Variants in STXBP5 observed in about 807,000 individuals in gnomAD.
STXBP5 encodes syntaxin-binding protein 5.
STXBP5 carries 50 observed loss-of-function variants against 152.4 expected under a neutral mutation model. The ratio of observed to expected loss-of-function variants is 0.33; its 90% confidence interval spans 0.26 to 0.42. STXBP5 has a LOEUF of 0.42. Ranked by LOEUF, STXBP5 falls within the 10% of genes least tolerant of loss-of-function variation. The pLI is 1.00. For missense variants in STXBP5, 1,167 were observed against 1,388.6 expected, an observed-to-expected ratio of 0.84 and a Z score of 2.54; for synonymous variants, 492 against 494.7, an observed-to-expected ratio of 0.99 and a Z score of 0.07.
chr6:147,303,888 G>C (rs1356603208), intron 9 of STXBP5, among the ~76,000 whole-genome samples: 1 of 152,152 alleles, frequency 6.6e-6, no homozygotes, highest in Non-Finnish European at 1.5e-5. Flanking sequence ...CCCTGTCCTA[G>C]AGATCTGTGG....
intron 9 of STXBP5, among the ~76,000 whole-genome samples, chr6:147,296,833 A>G (rs1010415720): frequency 3.9e-5 from 6 of 152,182 alleles, no homozygotes; most frequent in African/African-American, 1.4e-4. Context: ...AATACAATTG[A>G]GAGTTTCAGC....
rs1026013561 is a variant in STXBP5 at position 147,387,725 on chromosome 6, A to G, written c.*2970A>G. 14 of 151,838 alleles carry G rather than the reference A, an allele frequency of 9.2e-5. No individual in the cohort carries two copies. Among genetic ancestry groups the G allele is most frequent in the African/African-American group, 2.7e-4 (11 of 41,504 alleles). The allele number at this position is 151,838 out of a possible 1,614,324, so 9.4% of individuals were successfully genotyped here. ...ATGTGAAAAATGCTGCTACTTGTCTATGTTATTATGTGTAAGTATATTACA... is the reference window on the plus strand; with the variant it reads ...ATGTGAAAAATGCTGCTACTTGTCTGTGTTATTATGTGTAAGTATATTACA... On this transcript the variant is annotated 3_prime_UTR_variant, in exon 28 of 28. Coordinates refer to ENST00000321680, the MANE Select transcript of STXBP5 (RefSeq NM_001127715.4).
chr6:147,257,590 AT>A (rs1381269145), intron 4 of STXBP5, among the ~76,000 whole-genome samples: 3 of 152,164 alleles, frequency 2.0e-5, no homozygotes, highest in African/African-American at 4.8e-5. Flanking sequence ...AAATTAAAAA[AT>A]AATCTTTAAG....
intron 16 of STXBP5, among the ~76,000 whole-genome samples, chr6:147,323,998 C>T (rs1280862283): frequency 1.3e-5 from 2 of 152,140 alleles, no homozygotes; most frequent in African/African-American, 2.4e-5. Context: ...ACACTTAACA[C>T]TTATCAATCC....
intron 4 of STXBP5, among the ~76,000 whole-genome samples, chr6:147,253,554 C>T (rs1039360606): frequency 6.6e-6 from 1 of 152,262 alleles, no homozygotes; most frequent in East Asian, 1.9e-4. Flanking sequence ...TAGAAAACCC[C>T]ATCGTCTCAG....
At chr6:147,266,282 A>G (rs187808604) in intron 6 of STXBP5, among the ~76,000 whole-genome samples, 1 of 152,234 alleles carries the variant, frequency 6.6e-6, no homozygotes, top group Admixed American at 6.5e-5. Context: ...AGTTTTAAAC[A>G]GAAGCATACA....
intron 8 of STXBP5, among the ~76,000 whole-genome samples, chr6:147,281,358 A>G (rs577171380): frequency 5.9e-5 from 9 of 152,224 alleles, no homozygotes; most frequent in African/African-American, 2.2e-4. Flanking sequence ...ATGCCTGGCC[A>G]GCTGAGTACA....
chr6:147,210,390 GT>G (rs768842450), intron 2 of STXBP5, among the ~76,000 whole-genome samples: 4 of 151,998 alleles, frequency 2.6e-5, no homozygotes, highest in Non-Finnish European at 5.9e-5. Flanking sequence ...TCACTGTTTT[GT>G]TTTGGTTTTT....
intron 4 of STXBP5, among the ~76,000 whole-genome samples, chr6:147,256,212 A>G (rs916191889): frequency 1.8e-4 from 27 of 152,328 alleles, no homozygotes; most frequent in African/African-American, 4.1e-4. Context: ...CTGCTGCTCC[A>G]TAAGTGTCTT....
Position 147,382,789 on chromosome 6 carries a change from T to G in STXBP5, c.3205T>G (p.Ser1069Ala). ...LDREELFGES[S>A]SGKASRSLAQ... ...TCAAATGTGTTCAGTTGGAGAATCG[T>G]CCTCAGGAAAGGCTTCAAGGAGCCT... Residue 1069 changes from serine (S) to alanine (A), a missense_variant, in exon 27 of 28, where the codon TCC becomes GCC. Physicochemically the swap from Ser to Ala is moderately conservative, Grantham distance 99. Transcript: ENST00000321680. The G allele has an allele frequency of 6.2e-7, 1 of 1,613,292 alleles. No homozygotes were observed. The highest frequency in any genetic ancestry group is 8.5e-7 in the Non-Finnish European group (1 of 1,179,432).
chr6:147,312,461 C>A (rs1214905628), intron 11 of STXBP5, among the ~76,000 whole-genome samples: 2 of 152,196 alleles, frequency 1.3e-5, no homozygotes, highest in East Asian at 3.9e-4. Context: ...TTTTTGCATT[C>A]CCTGCCCCCA....
chr6:147,331,822 A>AC (rs1339664277), intron 18 of STXBP5, among the ~76,000 whole-genome samples: 1 of 151,550 alleles, frequency 6.6e-6, no homozygotes, highest in Non-Finnish European at 1.5e-5. Context: ...AAAAAAAAAA[A>AC]AAAAACACAC....
chr6:147,384,143 T>C (rs1786228744), intron 27 of STXBP5, among the ~76,000 whole-genome samples: 1 of 152,144 alleles, frequency 6.6e-6, no homozygotes. Flanking sequence ...AGACAGTACA[T>C]TGAGGTAGTT....
At position 147,220,853 on chromosome 6, in the gene STXBP5, T is replaced by C. The variant is rs185738307; in HGVS notation, c.249-14397T>C. On this transcript the variant is annotated intron_variant, in intron 2 of 27. Transcript: ENST00000321680. ...TCTTTTAATTGGTGCATTTAGGCCA[T>C]TGAAGTTTAAAGTGAATGTTGATAT... Among the ~76,000 whole-genome samples the C allele has an allele frequency of 2.6e-5, 4 of 152,276 alleles. No homozygotes were observed. The East Asian group carries it at 5.8e-4, about 22-fold the overall frequency.
intron 4 of STXBP5, among the ~76,000 whole-genome samples, chr6:147,250,464 A>G (rs1301223107): frequency 6.6e-6 from 1 of 152,226 alleles, no homozygotes; most frequent in African/African-American, 2.4e-5. Context: ...CATTGTAAGT[A>G]ATCTAGAAAT....
intron 3 of STXBP5, among the ~76,000 whole-genome samples, chr6:147,237,518 T>TAA (rs2115190055): frequency 6.6e-6 from 1 of 152,352 alleles, no homozygotes; most frequent in South Asian, 2.1e-4. Context: ...CATCGCCTGA[T>TAA]ATTTGATGGA....
chr6:147,286,780 G>C (rs1038762752), intron 8 of STXBP5, among the ~76,000 whole-genome samples: 4 of 151,872 alleles, frequency 2.6e-5, no homozygotes, highest in South Asian at 2.1e-4. Flanking sequence ...ACATAAATGA[G>C]ATCCTATCAT....
At chr6:147,331,755 AT>A (rs1324621104) in intron 18 of STXBP5, among the ~76,000 whole-genome samples, 2 of 150,100 alleles carry the variant, frequency 1.3e-5, no homozygotes, top group East Asian at 3.9e-4. Flanking sequence ...AAATCAGGGC[AT>A]TATAAAAAGC....
chr6:147,330,230 T>A (rs193010135), intron 18 of STXBP5, among the ~76,000 whole-genome samples: 9 of 152,230 alleles, frequency 5.9e-5, no homozygotes, highest in African/African-American at 1.7e-4. Flanking sequence ...ATAATATATA[T>A]ATTGTTTTGC....
Sources: allele counts gnomAD v4.1 joint callset (sites outside exome capture counted in the v4.1 genomes callset), GRCh38; gene constraint gnomAD v4.1.1; transcripts MANE v1.5; gene names NCBI Gene and HGNC (gene_info 2026-07-23, HGNC 2026-07-21).